FAM110B: variants seen among roughly 807,000 people sequenced by gnomAD.
The protein encoded by FAM110B is protein FAM110B.
FAM110B carries 6 observed loss-of-function variants against 20.4 expected under a neutral mutation model. The observed-to-expected ratio is 0.29, with a 90% CI of 0.16 to 0.58. The LOEUF (loss-of-function observed/expected upper bound fraction) is 0.58. Among genes scored for constraint, FAM110B ranks in the 20% least tolerant of loss-of-function variants. FAM110B has a pLI of 0.90. For missense variants in FAM110B, 434 were observed against 498.2 expected, an observed-to-expected ratio of 0.87 and a Z score of 1.23; for synonymous variants, 226 against 214.1, an observed-to-expected ratio of 1.06 and a Z score of -0.49.
At chr8:58,125,192 A>G (rs1366358777) in intron 3 of FAM110B, among the ~76,000 whole-genome samples, 1 of 152,168 alleles carries the variant, frequency 6.6e-6, no homozygotes, top group Non-Finnish European at 1.5e-5. Flanking sequence ...CACAAAAAAT[A>G]TAAAAATTAG....
intron 3 of FAM110B, among the ~76,000 whole-genome samples, chr8:58,077,423 G>C (rs958033591): frequency 6.6e-6 from 1 of 152,166 alleles, no homozygotes; most frequent in African/African-American, 2.4e-5. Flanking sequence ...ATGTGGCTGC[G>C]TGATGATCTG....
chr8:58,073,207 C>T (rs1021832112), intron 2 of FAM110B, among the ~76,000 whole-genome samples: 5 of 152,178 alleles, frequency 3.3e-5, no homozygotes, highest in South Asian at 2.1e-4. Context: ...GGCACAGTCC[C>T]TTCCTGTAAG....
At chr8:58,129,423 G>A (rs1164788647) in intron 3 of FAM110B, among the ~76,000 whole-genome samples, 1 of 152,184 alleles carries the variant, frequency 6.6e-6, no homozygotes, top group Non-Finnish European at 1.5e-5. Flanking sequence ...ACAGTTTATT[G>A]CAGAAACATC....
intron 3 of FAM110B, among the ~76,000 whole-genome samples, chr8:58,078,355 T>C (rs151111718): frequency 6.6e-6 from 1 of 152,322 alleles, no homozygotes; most frequent in East Asian, 1.9e-4. Flanking sequence ...AGTGTATATA[T>C]GTAAGTCATT....
intron 3 of FAM110B, among the ~76,000 whole-genome samples, chr8:58,099,349 A>G (rs1436726083): frequency 2.6e-5 from 4 of 152,072 alleles, no homozygotes; most frequent in Non-Finnish European, 2.9e-5. Context: ...AACTATTCCA[A>G]AATTTAAAAA....
intron 1 of FAM110B, among the ~76,000 whole-genome samples, chr8:58,023,426 A>G (rs937781459): frequency 3.3e-5 from 5 of 152,206 alleles, no homozygotes; most frequent in Non-Finnish European, 5.9e-5. Flanking sequence ...GCTGGACAAA[A>G]AAGTACAGTG....
At chr8:58,122,380 A>G (rs1039659458) in intron 3 of FAM110B, among the ~76,000 whole-genome samples, 5 of 152,012 alleles carry the variant, frequency 3.3e-5, no homozygotes, top group Non-Finnish European at 5.9e-5. Flanking sequence ...TTTTAATATT[A>G]TTTATTAAAC....
rs544217008 is a variant in FAM110B, at chr8:58,074,979, T to C, written c.-413-556T>C. On this transcript the variant is annotated intron_variant, in intron 2 of 3. Coordinates refer to ENST00000519262, the MANE Select transcript of FAM110B (RefSeq NM_001377989.1). ...TGCATAATTGCTATCCATGGTTAAA[T>C]GTCTGTTTTAAAAAAGAAACAATAG... is the stretch of plus-strand genomic sequence containing the variant. 7.9e-5 allele frequency among the ~76,000 whole-genome samples: 12 copies of C among 152,310 alleles called. No individual in the cohort carries two copies. In the East Asian group the frequency reaches 2.3e-3, roughly 29 times the overall value.
At chr8:58,081,386 T>A (rs1214867244) in intron 3 of FAM110B, among the ~76,000 whole-genome samples, 2 of 152,098 alleles carry the variant, frequency 1.3e-5, no homozygotes, top group African/African-American at 2.4e-5. Context: ...TTTATATTTT[T>A]GATAAAGACA....
intron 1 of FAM110B, among the ~76,000 whole-genome samples, chr8:58,028,509 A>T (rs1359830817): frequency 6.6e-6 from 1 of 152,126 alleles, no homozygotes; most frequent in Non-Finnish European, 1.5e-5. Context: ...ATTATGTTGA[A>T]GATCTCTTCC....
rs777565277 is a variant in FAM110B, at chr8:58,146,380, C to G, written c.150C>G (p.Ala50=). 2 of 1,614,030 alleles carry G rather than the reference C, an allele frequency of 1.2e-6. No homozygotes were observed. Among genetic ancestry groups the G allele is most frequent in the East Asian group, 2.2e-5 (1 of 44,860 alleles). ...AGCCCAACCCCAAGAGGCTCAGCGCCGTGGAGAGGCTGGAGGCCGACAAGG... is the reference window on the plus strand; with the variant it reads ...AGCCCAACCCCAAGAGGCTCAGCGCGGTGGAGAGGCTGGAGGCCGACAAGG... ...QAEPNPKRLS[A]VERLEADKAK... Residue 50 remains alanine, a synonymous_variant, in exon 4 of 4, where the codon GCC becomes GCG. Coordinates refer to ENST00000519262, the MANE Select transcript of FAM110B (RefSeq NM_001377989.1).
chr8:58,088,822 C>T (rs576543264), intron 3 of FAM110B, among the ~76,000 whole-genome samples: 31 of 152,174 alleles, frequency 2.0e-4, no homozygotes, highest in Non-Finnish European at 3.7e-4. Flanking sequence ...GATCAGAGGG[C>T]TCATGGGGTG....
intron 2 of FAM110B, among the ~76,000 whole-genome samples, chr8:58,062,317 G>A (rs1168330789): frequency 3.3e-5 from 5 of 152,164 alleles, no homozygotes; most frequent in Non-Finnish European, 7.4e-5. Context: ...GGGGGTGATC[G>A]TTTTCAACAG....
chr8:58,134,255 C>A (rs911664670), intron 3 of FAM110B, among the ~76,000 whole-genome samples: 2 of 152,180 alleles, frequency 1.3e-5, no homozygotes, highest in African/African-American at 4.8e-5. Context: ...ACAATATTCA[C>A]TATTTTTTTA....
At chr8:58,089,675 G>T (rs1324895038) in intron 3 of FAM110B, among the ~76,000 whole-genome samples, 1 of 152,160 alleles carries the variant, frequency 6.6e-6, no homozygotes, top group African/African-American at 2.4e-5. Flanking sequence ...GACATTTTGA[G>T]AAAAAGCTAT....
At chr8:58,067,922 CA>C (rs1805805894) in intron 2 of FAM110B, among the ~76,000 whole-genome samples, 1 of 152,106 alleles carries the variant, frequency 6.6e-6, no homozygotes, top group Admixed American at 6.5e-5. Context: ...TACTCAGTTC[CA>C]AAACAAATAC....
chr8:58,103,923 T>C (rs1483903518), intron 3 of FAM110B, among the ~76,000 whole-genome samples: 1 of 152,220 alleles, frequency 6.6e-6, no homozygotes, highest in African/African-American at 2.4e-5. Flanking sequence ...CACAGTCCCA[T>C]AGTAGCTGGA....
chr8:58,038,128 C>T (rs113443187), intron 2 of FAM110B, among the ~76,000 whole-genome samples: 6 of 152,296 alleles, frequency 3.9e-5, no homozygotes, highest in East Asian at 1.9e-4. Context: ...ATTGAGAAAG[C>T]GTGTGGTCCT....
intron 3 of FAM110B, among the ~76,000 whole-genome samples, chr8:58,087,290 G>C (rs1457973048): frequency 6.6e-6 from 1 of 152,194 alleles, no homozygotes; most frequent in Non-Finnish European, 1.5e-5. Flanking sequence ...GCCCTGGAGA[G>C]GTCACCTATC....
Sources: gnomAD v4.1 joint callset for allele counts (sites outside exome capture counted in the v4.1 genomes callset) on GRCh38, gnomAD v4.1.1 for gene constraint, MANE v1.5 for transcripts, NCBI Gene and HGNC (gene_info 2026-07-23, HGNC 2026-07-21) for gene names.